DOCK4: variants seen among roughly 807,000 people sequenced by gnomAD.
DOCK4 encodes the protein dedicator of cytokinesis 4, also known as dedicator of cytokinesis protein 4.
A neutral mutation model predicts 268.1 loss-of-function variants in DOCK4; 97 were observed. The ratio of observed to expected loss-of-function variants is 0.36; its 90% confidence interval spans 0.31 to 0.43. The LOEUF (loss-of-function observed/expected upper bound fraction) is 0.43, where lower values mean the gene tolerates loss of function less well. Among genes scored for constraint, DOCK4 ranks in the 20% least tolerant of loss-of-function variants. The pLI, the probability that DOCK4 is intolerant of heterozygous loss-of-function variation, is 1.00. For synonymous variants in DOCK4, 954 were observed against 887.2 expected, an observed-to-expected ratio of 1.08 and a Z score of -1.34; for missense variants, 2,145 against 2,455.7, an observed-to-expected ratio of 0.87 and a Z score of 2.67.
chr7:111,769,431 G>C, intron 37 of DOCK4, 98 bp downstream of exon 37: 1 of 1,451,948 alleles, frequency 6.9e-7, no homozygotes. Context: ...GAGGATCCCT[G>C]CTTAAGGAGG....
chr7:111,835,266 G>C (rs1803149390), intron 25 of DOCK4, among the ~76,000 whole-genome samples: 1 of 152,076 alleles, frequency 6.6e-6, no homozygotes. Context: ...TCAGAGAGTT[G>C]ATCTGCTGAC....
chr7:111,760,778 G>GTA (rs1797348477), intron 39 of DOCK4, among the ~76,000 whole-genome samples: 1 of 127,220 alleles, frequency 7.9e-6, no homozygotes, highest in Admixed American at 7.8e-5. Flanking sequence ...GTGTGTGTGT[G>GTA]TGTGTATTCT....
chr7:111,863,851 C>T (rs535225172), intron 22 of DOCK4, among the ~76,000 whole-genome samples: 1 of 152,280 alleles, frequency 6.6e-6, no homozygotes, highest in Admixed American at 6.5e-5. Flanking sequence ...CAGTGAAGTG[C>T]ATCAAAACTG....
chr7:111,833,097 T>A (rs1233232353), intron 26 of DOCK4, among the ~76,000 whole-genome samples: 1 of 152,232 alleles, frequency 6.6e-6, no homozygotes, highest in East Asian at 1.9e-4. Flanking sequence ...ACTTCTTAAG[T>A]AAAACCTAAT....
chr7:111,799,413 T>C (rs1157518569), intron 30 of DOCK4, among the ~76,000 whole-genome samples: 4 of 152,238 alleles, frequency 2.6e-5, no homozygotes, highest in African/African-American at 7.2e-5. Context: ...GCCACCTTTA[T>C]TCGACCCAAG....
intron 1 of DOCK4, among the ~76,000 whole-genome samples, chr7:112,184,847 C>G (rs182433521): frequency 6.6e-6 from 1 of 152,186 alleles, no homozygotes; most frequent in Non-Finnish European, 1.5e-5. Context: ...GGTATCACAA[C>G]CAACAATTTT....
chr7:111,733,800 C>T (rs1315377976), intron 51 of DOCK4, among the ~76,000 whole-genome samples: 1 of 152,198 alleles, frequency 6.6e-6, no homozygotes. Flanking sequence ...GGCCTCTGTA[C>T]ACATACTGAT....
Position 111,736,937 on chromosome 7 carries a change from T to C in DOCK4, c.5285A>G (p.Asn1762Ser), listed in dbSNP as rs889027290. ...GDGALPRSDPNLSAPEKAVNP... is the reference protein window; with the variant it reads ...GDGALPRSDPSLSAPEKAVNP... ...CTTACCTTTTTCAGGTGCAGAGAGA[T>C]TTGGGTCACTGCGTGGCAAGGCCCC... is the stretch of plus-strand genomic sequence containing the variant. Residue 1762 changes from asparagine to serine, a missense_variant, in exon 50 of 53, where the codon AAT becomes AGT. By Grantham distance (46) the Asn-to-Ser change is conservative (BLOSUM62 1). Coordinates refer to ENST00000428084, the MANE Select transcript of DOCK4 (RefSeq NM_001363540.2). The C allele has an allele frequency of 8.1e-6, 13 of 1,603,850 alleles. No homozygotes were observed. Among genetic ancestry groups the C allele is most frequent in the Non-Finnish European group, 1.1e-5 (13 of 1,175,200 alleles).
At position 111,826,894 on chromosome 7, in the gene DOCK4, A is replaced by G. The variant is rs531976183; in HGVS notation, c.2836-4438T>C. Among the ~76,000 whole-genome samples the G allele has an allele frequency of 1.6e-4, 25 of 152,306 alleles. No homozygotes were observed. In the East Asian group the frequency reaches 1.7e-3, roughly 11 times the overall value. ...TGAATCTAAAAATTTTTTAAAATCT[A>G]TATTTTTTTAAAAAAGAGAAAGGCA... On this transcript the variant is annotated intron_variant, in intron 26 of 52. Transcript: ENST00000428084.
intron 6 of DOCK4, among the ~76,000 whole-genome samples, chr7:111,985,414 A>C (rs1798975894): frequency 6.6e-6 from 1 of 152,086 alleles, no homozygotes; most frequent in Non-Finnish European, 1.5e-5. Context: ...TCTTTCTAAC[A>C]CAGAAGGCTT....
intron 28 of DOCK4, among the ~76,000 whole-genome samples, chr7:111,810,556 TG>T (rs61035676): frequency 0.069 from 10,421 of 151,860 alleles, 1,202 homozygotes; most frequent in African/African-American, 0.24. Context: ...TAGTGAGAAA[TG>T]TAAATTAAAG....
intron 1 of DOCK4, among the ~76,000 whole-genome samples, chr7:112,147,059 T>C (rs1815577237): frequency 6.6e-6 from 1 of 152,152 alleles, no homozygotes; most frequent in African/African-American, 2.4e-5. Flanking sequence ...TAATATATAC[T>C]AGGGAACACT....
chr7:111,992,555 A>G (rs1799622746), intron 5 of DOCK4, among the ~76,000 whole-genome samples: 1 of 152,210 alleles, frequency 6.6e-6, no homozygotes, highest in African/African-American at 2.4e-5. Flanking sequence ...TCAGAACACT[A>G]GGAGGAAAGG....
intron 7 of DOCK4, among the ~76,000 whole-genome samples, chr7:111,980,687 C>T (rs768379636): frequency 1.3e-5 from 2 of 152,170 alleles, no homozygotes; most frequent in Non-Finnish European, 2.9e-5. Context: ...GCCAATAGTA[C>T]CTCTCCTTCC....
At chr7:111,973,369 G>A (rs1797889523) in intron 8 of DOCK4, among the ~76,000 whole-genome samples, 1 of 151,768 alleles carries the variant, frequency 6.6e-6, no homozygotes, top group Admixed American at 6.6e-5. Flanking sequence ...AATAACACAA[G>A]CATTCACTTA....
At chr7:112,051,324 G>A (rs1248279678) in intron 1 of DOCK4, among the ~76,000 whole-genome samples, 2 of 151,984 alleles carry the variant, frequency 1.3e-5, no homozygotes, top group African/African-American at 4.8e-5. Context: ...TCAACAGCAG[G>A]ATTTACTAAT....
intron 5 of DOCK4, among the ~76,000 whole-genome samples, chr7:111,992,886 T>G (rs1288778635): frequency 6.6e-6 from 1 of 152,198 alleles, no homozygotes; most frequent in Non-Finnish European, 1.5e-5. Flanking sequence ...AAATAATACT[T>G]GGATTTTGAA....
At chr7:111,844,366 A>G (rs1803930585) in intron 25 of DOCK4, among the ~76,000 whole-genome samples, 1 of 152,218 alleles carries the variant, frequency 6.6e-6, no homozygotes, top group Non-Finnish European at 1.5e-5. Context: ...CTGACTAGTC[A>G]GAGTGAAAAA....
intron 1 of DOCK4, among the ~76,000 whole-genome samples, chr7:112,045,683 C>T (rs767342110): frequency 6.6e-6 from 1 of 152,170 alleles, no homozygotes; most frequent in Non-Finnish European, 1.5e-5. Flanking sequence ...CCAATAATAT[C>T]TGAGGATATT....
Sources: gnomAD v4.1 joint callset for allele counts (sites outside exome capture counted in the v4.1 genomes callset) on GRCh38, gnomAD v4.1.1 for gene constraint, MANE v1.5 for transcripts, NCBI Gene and HGNC (gene_info 2026-07-23, HGNC 2026-07-21) for gene names.